Variants in SORCS3 observed in about 807,000 individuals in gnomAD.
SORCS3 encodes VPS10 domain-containing receptor SorCS3.
SORCS3 carries 57 observed loss-of-function variants against 146.3 expected under a neutral mutation model. The ratio of observed to expected loss-of-function variants is 0.39; its 90% CI spans 0.31 to 0.49. The LOEUF (loss-of-function observed/expected upper bound fraction) is 0.49. SORCS3 is among the 20% of genes least tolerant of loss of function. The pLI is 0.92. For missense variants in SORCS3, 1,341 were observed against 1,575.5 expected (o/e 0.85, Z 2.52); for synonymous variants, 653 against 618.5 (o/e 1.06, Z -0.83).
chr10:105,139,873 C>G (rs1013031307), intron 8 of SORCS3, among the ~76,000 whole-genome samples: 4 of 152,108 alleles, frequency 2.6e-5, no homozygotes, highest in African/African-American at 9.7e-5. Context: ...ACAGATAAGT[C>G]TGGTGGTTTT....
At chr10:105,132,293 T>C (rs2056025075) in intron 7 of SORCS3, among the ~76,000 whole-genome samples, 1 of 152,180 alleles carries the variant, frequency 6.6e-6, no homozygotes, top group Admixed American at 6.5e-5. Context: ...ATGGTACTGG[T>C]AATGCTATTA....
intron 1 of SORCS3, among the ~76,000 whole-genome samples, chr10:104,840,085 G>A (rs1172703980): frequency 6.6e-6 from 1 of 152,156 alleles, no homozygotes; most frequent in Non-Finnish European, 1.5e-5. Context: ...GCTTTTGTGG[G>A]GTGTGGGCTT....
chr10:104,707,341 T>C (rs2133436044), intron 1 of SORCS3, among the ~76,000 whole-genome samples: 1 of 152,322 alleles, frequency 6.6e-6, no homozygotes, highest in Non-Finnish European at 1.5e-5. Flanking sequence ...GTGTCAGCCA[T>C]TCAGTAAGAT....
At chr10:104,679,754 T>A (rs1361729838) in intron 1 of SORCS3, among the ~76,000 whole-genome samples, 1 of 152,190 alleles carries the variant, frequency 6.6e-6, no homozygotes, top group African/African-American at 2.4e-5. Flanking sequence ...TCCTTCTGCC[T>A]TGGTGGAGGG....
At chr10:105,147,545 A>G (rs777040171) in intron 8 of SORCS3, 72 bp from the exon 9 acceptor site, 67 of 1,333,238 alleles carry the variant, frequency 5.0e-5, no homozygotes, top group Non-Finnish European at 6.6e-5. Context: ...AAGTCATAGT[A>G]ATTACTTGGC....
chr10:105,102,145 A>G (rs1183253251), intron 6 of SORCS3, among the ~76,000 whole-genome samples: 2 of 152,198 alleles, frequency 1.3e-5, no homozygotes, highest in Non-Finnish European at 2.9e-5. Context: ...GAATGAGGGT[A>G]AGAAAGCCTG....
intron 2 of SORCS3, among the ~76,000 whole-genome samples, chr10:104,888,960 A>G (rs906202769): frequency 2.4e-4 from 37 of 152,156 alleles, no homozygotes; most frequent in African/African-American, 8.7e-4. Context: ...TAGGTCATAT[A>G]TTTTGGAGTT....
intron 1 of SORCS3, among the ~76,000 whole-genome samples, chr10:104,726,627 A>C (rs1331437228): frequency 1.3e-5 from 2 of 150,328 alleles, no homozygotes; most frequent in East Asian, 3.9e-4. Flanking sequence ...TTTTCTCCCC[A>C]TCTAGTTTGC....
chr10:104,818,461 G>T (rs1197989447), intron 1 of SORCS3, among the ~76,000 whole-genome samples: 2 of 150,416 alleles, frequency 1.3e-5, no homozygotes, highest in African/African-American at 2.5e-5. Context: ...AAGAGGTGGG[G>T]AGGGCCCAAG....
intron 1 of SORCS3, among the ~76,000 whole-genome samples, chr10:104,827,488 G>T (rs530261129): frequency 2.6e-4 from 39 of 152,232 alleles, no homozygotes; most frequent in South Asian, 1.0e-3. Flanking sequence ...GGAGCAGTAG[G>T]TCTCAACAGT....
At chr10:105,187,627 G>A (rs2056487151) in intron 14 of SORCS3, among the ~76,000 whole-genome samples, 1 of 152,198 alleles carries the variant, frequency 6.6e-6, no homozygotes, top group Non-Finnish European at 1.5e-5. Context: ...TTTGGAGGCA[G>A]AGGAAAAAGG....
At chr10:104,992,969 C>G (rs2055003633) in intron 4 of SORCS3, among the ~76,000 whole-genome samples, 1 of 151,712 alleles carries the variant, frequency 6.6e-6, no homozygotes, top group Admixed American at 6.6e-5. Flanking sequence ...TAAAGAGGAC[C>G]TGTATAAAGG....
chr10:105,191,622 C>A (rs930640814), intron 14 of SORCS3, among the ~76,000 whole-genome samples: 6 of 152,140 alleles, frequency 3.9e-5, no homozygotes, highest in Non-Finnish European at 8.8e-5. Flanking sequence ...GAACCAGGGA[C>A]TGGTTTCGTG....
At chr10:104,892,255 A>G (rs2018756567) in intron 2 of SORCS3, among the ~76,000 whole-genome samples, 1 of 152,174 alleles carries the variant, frequency 6.6e-6, no homozygotes, top group Admixed American at 6.5e-5. Flanking sequence ...GAGATGCACT[A>G]AGCTAGTTGG....
intron 2 of SORCS3, among the ~76,000 whole-genome samples, chr10:104,899,837 T>C (rs1010001248): frequency 6.6e-6 from 1 of 152,096 alleles, no homozygotes; most frequent in African/African-American, 2.4e-5. Flanking sequence ...ACATTTTCTT[T>C]ACTCATCCAT....
At chr10:105,147,875 A>T in intron 9 of SORCS3, 79 bp downstream of exon 9, 1 of 1,282,870 alleles carries the variant, frequency 7.8e-7, no homozygotes, top group Non-Finnish European at 1.1e-6. Flanking sequence ...CAAGCACTGG[A>T]GTTCTGGGTT....
intron 1 of SORCS3, among the ~76,000 whole-genome samples, chr10:104,806,871 T>C (rs2017684359): frequency 6.6e-6 from 1 of 152,164 alleles, no homozygotes; most frequent in Non-Finnish European, 1.5e-5. Context: ...GTGGTTTTCA[T>C]AATGAAACAC....
At chr10:104,783,940 A>C (rs17772373) in intron 1 of SORCS3, among the ~76,000 whole-genome samples, 7,162 of 152,284 alleles carry the variant, frequency 0.047, 190 homozygotes, top group Admixed American at 0.068. Flanking sequence ...AAATGCTCTG[A>C]GATAAAAGGA....
chr10:105,205,263 G>A (rs1315749090), intron 16 of SORCS3, among the ~76,000 whole-genome samples: 1 of 152,166 alleles, frequency 6.6e-6, no homozygotes, highest in Non-Finnish European at 1.5e-5. Context: ...GATTCACAGA[G>A]GGAAGATATT....
Sources: allele counts gnomAD v4.1 joint callset (sites outside exome capture counted in the v4.1 genomes callset), GRCh38; gene constraint gnomAD v4.1.1; transcripts MANE v1.5; gene names NCBI Gene and HGNC (gene_info 2026-07-23, HGNC 2026-07-21).